Variants in OGFR observed in about 807,000 individuals in gnomAD.
OGFR encodes protein 7-60.
Under a neutral mutation model 33.6 loss-of-function variants are expected in OGFR, and 18 were observed. That is an observed-to-expected ratio of 0.54 (90% CI 0.37 to 0.80). The LOEUF (loss-of-function observed/expected upper bound fraction) is 0.80. OGFR is among the 30% of genes least tolerant of loss of function. The pLI, the probability that OGFR is intolerant of heterozygous loss-of-function variation, is 0.00. For missense variants in OGFR, 877 were observed against 955.8 expected, an observed-to-expected ratio of 0.92 and a Z score of 1.09; for synonymous variants, 370 against 400.7, an observed-to-expected ratio of 0.92 and a Z score of 0.91.
intron 3 of OGFR, 101 bp from the exon 4 acceptor site, chr20:62,809,484 T>C: frequency 1.2e-6 from 1 of 866,590 alleles, no homozygotes; most frequent in Non-Finnish European, 2.0e-6. Flanking sequence ...TTGGGGAAGC[T>C]GCTGGCAGCA....
In OGFR at chr20:62,812,770, G is replaced by A. The variant is rs747387382; in HGVS notation, c.1155G>A (p.Arg385=). 1.2e-6 allele frequency: 2 copies of A among 1,612,142 alleles called. No individual in the cohort carries two copies. Among genetic ancestry groups the A allele is most frequent in the African/African-American group, 2.7e-5 (2 of 74,946 alleles). The change falls in exon 7 of 7, where the codon AGG becomes AGA. Residue 385 remains arginine, a synonymous_variant. Coordinates refer to ENST00000290291, the MANE Select transcript of OGFR (RefSeq NM_007346.4). Reference sequence around the variant, plus strand: ...TAAGCCCCAAAGAGAGCAAGAAGAGGAAGCTGGAGCTGAGCCGGCGGGAGC... The same window carrying A: ...TAAGCCCCAAAGAGAGCAAGAAGAGAAAGCTGGAGCTGAGCCGGCGGGAGC... ...EPLSPKESKK[R]KLELSRREQP...
chr20:62,808,174 C>A, intron 2 of OGFR, 73 bp from the exon 3 acceptor site: 3 of 1,218,316 alleles, frequency 2.5e-6, no homozygotes, highest in East Asian at 2.3e-5. Context: ...TGCGCCTCCC[C>A]GAAAGACACG....
rs1417718658 is a variant in OGFR at position 62,812,248 on chromosome 20, C to T, written c.633C>T (p.Leu211=). ...QNLNWRSHNN[L]RITRILKSLG... ...CTCGCAGGCGCAGCCACAACAACCT[C>T]CGCATCACACGCATCCTCAAGTCGC... The change falls in exon 7 of 7, where the codon CTC becomes CTT. Residue 211 remains leucine (L), a synonymous_variant. Coordinates refer to ENST00000290291, the MANE Select transcript of OGFR (RefSeq NM_007346.4). The T allele has an allele frequency of 4.0e-6, 6 of 1,517,978 alleles. No individual in the cohort carries two copies. Among genetic ancestry groups the T allele is most frequent in the Admixed American group, 4.4e-5 (2 of 45,964 alleles). 94.0% of individuals were successfully genotyped at this position (1,517,978 alleles called of 1,614,324 possible). A position where few individuals can be genotyped will look rare whatever the true frequency, so the allele number is the denominator to read the frequency against.
chr20:62,813,907 T>C lies in OGFR; in HGVS notation c.*258T>C, dbSNP rs1213353461. 6 of 579,354 alleles carry C rather than the reference T, an allele frequency of 1.0e-5. No individual in the cohort carries two copies. Among genetic ancestry groups the C allele is most frequent in the Non-Finnish European group, 1.8e-5 (6 of 326,384 alleles). 35.9% of individuals were successfully genotyped at this position (579,354 alleles called of 1,614,324 possible). ...TCCCCTGCGCCCCTGTCTTTGTAAA[T>C]TGACCCTTCTGGAGTGGGGGGCGGC... is the stretch of plus-strand genomic sequence containing the variant. On this transcript the variant is annotated 3_prime_UTR_variant, in exon 7 of 7. Coordinates refer to ENST00000290291, the MANE Select transcript of OGFR (RefSeq NM_007346.4).
At position 62,807,422 on chromosome 20, in the gene OGFR, C is replaced by T. The variant is rs964145808; in HGVS notation, c.172-115C>T. The T allele has an allele frequency of 7.0e-5, 61 of 868,172 alleles. No homozygotes were observed. The African/African-American group carries it at 9.6e-4, about 14-fold the overall frequency. The allele number at this position is 868,172 out of a possible 1,614,324, so 53.8% of individuals were successfully genotyped here. A position where few individuals can be genotyped will look rare whatever the true frequency, so the allele number is the denominator to read the frequency against. ...ATGAGAGGGAGGAGCCATGAAACCC[C>T]CGCCCTTTAAAGACAGCTCTGTGGC... On this transcript the variant is annotated intron_variant, in intron 1 of 6. Transcript: ENST00000290291.
At chr20:62,810,876 G>A (rs1318682900) in intron 5 of OGFR, among the ~76,000 whole-genome samples, 2 of 152,238 alleles carry the variant, frequency 1.3e-5, no homozygotes, top group Non-Finnish European at 2.9e-5. Context: ...GCTGGAGTGG[G>A]GTCACCCAAG....
chr20:62,811,624 G>GCGGGGGGCCCC lies in OGFR; in HGVS notation c.614+15_614+16insGGGGGGCCCCC. The GCGGGGGGCCCC allele has an allele frequency of 6.4e-7, 1 of 1,551,474 alleles. No individual in the cohort carries two copies. The highest frequency in any genetic ancestry group is 8.7e-7 in the Non-Finnish European group (1 of 1,147,376). On this transcript the variant is annotated intron_variant, in intron 6 of 6. Coordinates refer to ENST00000290291, the MANE Select transcript of OGFR (RefSeq NM_007346.4). ...GAACCTGAACTGGTGAGGCCCGGCT[G>GCGGGGGGCCCC]CTCCCGCCCACCCCCACCCCGGCGC...
chr20:62,811,437 A>G, intron 5 of OGFR, 25 bp from the exon 6 acceptor site: 2 of 1,607,952 alleles, frequency 1.2e-6, no homozygotes, highest in African/African-American at 1.3e-5. Context: ...ATGGTGCCTG[A>G]GCTCTCCAAG....
intron 1 of OGFR, chr20:62,806,449 A>G (rs1368734704): frequency 6.6e-6 from 1 of 152,198 alleles, no homozygotes; most frequent in Admixed American, 6.5e-5. Flanking sequence ...TTGAAGCAGG[A>G]GAATCGCTTA....
Position 62,813,092 on chromosome 20 carries a change from G to T in OGFR, c.1477G>T (p.Ala493Ser). ...CCCTGCCCCATCGGGGCACCCCAAG[G>T]CTGGACACAGTGAGAACGGGGTTGA... ...GSPAPSGHPK[A>S]GHSENGVEED... Residue 493 changes from alanine to serine, a missense_variant, in exon 7 of 7, where the codon GCT becomes TCT. Physicochemically the swap from Ala to Ser is moderately conservative, Grantham distance 99 (BLOSUM62 1). Coordinates refer to ENST00000290291, the MANE Select transcript of OGFR (RefSeq NM_007346.4). The T allele has an allele frequency of 3.2e-6, 5 of 1,579,180 alleles. No individual in the cohort carries two copies. Among genetic ancestry groups the T allele is most frequent in the Non-Finnish European group, 4.3e-6 (5 of 1,162,526 alleles).
chr20:62,807,400 A>AGAGG, intron 1 of OGFR, 137 bp from the exon 2 acceptor site: 1 of 723,490 alleles, frequency 1.4e-6, no homozygotes, highest in Non-Finnish European at 2.4e-6. Context: ...CAGGAGAATG[A>AGAGG]GAGGGAGGAG....
chr20:62,810,499 G>C lies in OGFR; in HGVS notation c.399G>C (p.Trp133Cys). The change falls in exon 5 of 7, where the codon TGG (tryptophan) becomes TGC (cysteine). Residue 133 changes from tryptophan (W) to cysteine (C), a missense_variant and splice_region_variant. Trp to Cys is a radical substitution (Grantham distance 215). Coordinates refer to ENST00000290291, the MANE Select transcript of OGFR (RefSeq NM_007346.4). ...LLEDNHSYIQ[W>C]LFPLREPGVN... is the part of the protein sequence containing the mutation. ...TGCCTGAGCATCTCTTCTCCTGCAG[G>C]CTGTTTCCTCTGCGAGAACCAGGAG... is the stretch of plus-strand genomic sequence containing the variant. 6.2e-7 allele frequency: 1 copy of C among 1,613,218 alleles called. No individual in the cohort carries two copies.
At chr20:62,808,616 C>T (rs955127065) in intron 3 of OGFR, among the ~76,000 whole-genome samples, 8 of 152,192 alleles carry the variant, frequency 5.3e-5, no homozygotes, top group Non-Finnish European at 1.0e-4. Context: ...TGCACGACCT[C>T]ATGAAAGCCA....
chr20:62,805,696 T>C (rs1424923771), intron 1 of OGFR: 1 of 152,288 alleles, frequency 6.6e-6, no homozygotes, highest in Non-Finnish European at 1.5e-5. Context: ...CCGCATGGAT[T>C]CTCCCCTTGG....
intron 3 of OGFR, among the ~76,000 whole-genome samples, chr20:62,809,033 A>G (rs1990664053): frequency 6.6e-6 from 1 of 152,104 alleles, no homozygotes; most frequent in African/African-American, 2.4e-5. Flanking sequence ...TGATATTATA[A>G]GAAATTAAAA....
At position 62,809,683 on chromosome 20, in the gene OGFR, G is replaced by A. The variant is rs2277772; in HGVS notation, c.398+20G>A. 0.5 allele frequency: 782,050 copies of A among 1,561,876 alleles called. 200,791 individuals carry two copies. Among genetic ancestry groups the A allele is most frequent in the African/African-American group, 0.63 (46,586 of 73,790 alleles). On this transcript the variant is annotated intron_variant, in intron 4 of 6. Transcript: ENST00000290291. ...CCAGTGGTGAGTTGGGGAGGATGGG[G>A]GGATGGGGGGTTGGCGAGGCCACAG...
Position 62,812,754 on chromosome 20 carries a change from A to G in OGFR, c.1139A>G (p.Lys380Arg). The G allele has an allele frequency of 6.2e-7, 1 of 1,610,892 alleles. No homozygotes were observed. The highest frequency in any genetic ancestry group is 8.5e-7 in the Non-Finnish European group (1 of 1,179,114). Residue 380 changes from lysine to arginine, a missense_variant, in exon 7 of 7, where the codon AAA becomes AGA. Around this residue, in one of 3 missense-constraint regions of OGFR, gnomAD observed 760 missense variants for 736.0 expected, o/e 1.03. Transcript: ENST00000290291. ...GEDRPEPLSP[K>R]ESKKRKLELS... is the part of the protein sequence containing the mutation. ...GATAGGCCGGAGCCCTTAAGCCCCA[A>G]AGAGAGCAAGAAGAGGAAGCTGGAG...
Position 62,812,837 on chromosome 20 carries a change from GAGA to G in OGFR, c.1226_1228del (p.Lys409del). On this transcript the variant is annotated inframe_deletion, in exon 7 of 7. Coordinates refer to ENST00000290291, the MANE Select transcript of OGFR (RefSeq NM_007346.4). ...AGGCCCTCAGAGTGCCTCAGAGGTG[GAGA>G]AGATCGCTCTGAATTTGGAGGGGTG... The G allele has an allele frequency of 6.2e-7, 1 of 1,612,818 alleles. No homozygotes were observed. The highest frequency in any genetic ancestry group is 8.5e-7 in the Non-Finnish European group (1 of 1,179,964).
intron 4 of OGFR, 118 bp downstream of exon 4, chr20:62,809,781 C>G: frequency 1.3e-6 from 1 of 795,334 alleles, no homozygotes; most frequent in Non-Finnish European, 2.2e-6. Flanking sequence ...CCTGCCCTTC[C>G]TGGAAGCTGG....
Sources: gnomAD v4.1 joint callset for allele counts (sites outside exome capture counted in the v4.1 genomes callset) on GRCh38, gnomAD v4.1.1 for gene constraint, gnomAD v4.1.1 regional missense constraint, MANE v1.5 for transcripts, NCBI Gene and HGNC (gene_info 2026-07-23, HGNC 2026-07-21) for gene names.